The following CUX2 variants were observed in gnomAD, a reference collection of about 807,000 sequenced individuals.
CUX2 encodes homeobox protein cut-like 2.
Under a neutral mutation model 144.8 loss-of-function variants are expected in CUX2, and 40 were observed. That is an observed-to-expected ratio of 0.28 (90% CI 0.21 to 0.36). CUX2 has a LOEUF of 0.36. Among genes scored for constraint, CUX2 ranks in the 10% least tolerant of loss-of-function variants. CUX2 has a pLI of 1.00. For synonymous variants in CUX2, 827 were observed against 875.6 expected (o/e 0.94, Z 0.98); for missense variants, 1,615 against 1,994.0 (o/e 0.81, Z 3.62).
chr12:111,290,520 C>T (rs1017346359), intron 4 of CUX2, among the ~76,000 whole-genome samples: 6 of 151,176 alleles, frequency 4.0e-5, no homozygotes, highest in African/African-American at 1.5e-4. Flanking sequence ...CTCTGCCTCC[C>T]TGGTTCAAGT....
At position 111,191,941 on chromosome 12, in the gene CUX2, A is replaced by G. The variant is rs1879915948; in HGVS notation, c.64-22259A>G. Among the ~76,000 whole-genome samples the G allele has an allele frequency of 2.0e-5, 3 of 152,074 alleles. No homozygotes were observed. In the South Asian group the frequency reaches 6.2e-4, roughly 32 times the overall value. ...GGGGAGCAGGAGTCAGTCTCTCATG[A>G]TGCTTATAAGGGAGGATATTTATTG... is the stretch of plus-strand genomic sequence containing the variant. On this transcript the variant is annotated intron_variant, in intron 1 of 21. Transcript: ENST00000261726.
rs114424563 is a variant in CUX2 at position 111,159,552 on chromosome 12, C to A, written c.64-54648C>A. Among the ~76,000 whole-genome samples, 589 of 152,244 alleles carry A rather than the reference C, an allele frequency of 3.9e-3. 3 individuals carry two copies. Among genetic ancestry groups the A allele is most frequent in the African/African-American group, 0.013 (544 of 41,536 alleles). On this transcript the variant is annotated intron_variant, in intron 1 of 21. Transcript: ENST00000261726. Reference sequence around the variant, plus strand: ...TAAAAATATTAATTTTTTAAGGATGCATTATTTCATAAGCAACTGATCTGT... The same window carrying A: ...TAAAAATATTAATTTTTTAAGGATGAATTATTTCATAAGCAACTGATCTGT...
chr12:111,042,673 C>T (rs1224027498), intron 1 of CUX2, among the ~76,000 whole-genome samples: 1 of 152,060 alleles, frequency 6.6e-6, no homozygotes, highest in African/African-American at 2.4e-5. Flanking sequence ...AGTCTGTCAC[C>T]CAGGCTGGAG....
chr12:111,133,374 A>G (rs1425534916), intron 1 of CUX2, among the ~76,000 whole-genome samples: 1 of 152,208 alleles, frequency 6.6e-6, no homozygotes, highest in East Asian at 1.9e-4. Flanking sequence ...TTGGACTTAC[A>G]GTTCCATATG....
At chr12:111,114,985 G>C (rs1431409733) in intron 1 of CUX2, among the ~76,000 whole-genome samples, 2 of 152,112 alleles carry the variant, frequency 1.3e-5, no homozygotes, top group African/African-American at 4.8e-5. Flanking sequence ...TCTAGGTGTG[G>C]ATCTATTTCT....
intron 1 of CUX2, among the ~76,000 whole-genome samples, chr12:111,062,208 A>C (rs1870811164): frequency 6.6e-6 from 1 of 152,206 alleles, no homozygotes; most frequent in Non-Finnish European, 1.5e-5. Context: ...CCTGTGTGGC[A>C]TGCACGTTTC....
At chr12:111,166,712 C>A (rs2136159448) in intron 1 of CUX2, among the ~76,000 whole-genome samples, 1 of 152,306 alleles carries the variant, frequency 6.6e-6, no homozygotes, top group African/African-American at 2.4e-5. Context: ...GTGGAAGGGG[C>A]CGGTGTTTGG....
chr12:111,226,089 G>A (rs749844341), intron 3 of CUX2, among the ~76,000 whole-genome samples: 10 of 152,156 alleles, frequency 6.6e-5, no homozygotes, highest in East Asian at 1.9e-4. Context: ...GACTACAGGC[G>A]TGCGCCACCA....
rs927347369 is a variant in CUX2 at position 111,066,951 on chromosome 12, C to A, written c.63+32711C>A. On this transcript the variant is annotated intron_variant, in intron 1 of 21. Coordinates refer to ENST00000261726, the MANE Select transcript of CUX2 (RefSeq NM_015267.4). Reference sequence around the variant, plus strand: ...GCCAAGCACCTGGTACATGGTGAGTCCTCCAGGGAGCACCTCCAATGAATG... The same window carrying A: ...GCCAAGCACCTGGTACATGGTGAGTACTCCAGGGAGCACCTCCAATGAATG... Among the ~76,000 whole-genome samples, 6 of 152,294 alleles carry A rather than the reference C, an allele frequency of 3.9e-5. No individual in the cohort carries two copies. The South Asian group carries it at 1.2e-3, about 32-fold the overall frequency.
At chr12:111,182,271 C>A (rs1438060865) in intron 1 of CUX2, among the ~76,000 whole-genome samples, 1 of 152,192 alleles carries the variant, frequency 6.6e-6, no homozygotes, top group Non-Finnish European at 1.5e-5. Flanking sequence ...AAGGTTGGCA[C>A]CACTTGAAAT....
intron 3 of CUX2, among the ~76,000 whole-genome samples, chr12:111,236,873 G>T (rs1421930755): frequency 2.0e-5 from 3 of 152,212 alleles, no homozygotes; most frequent in Non-Finnish European, 4.4e-5. Flanking sequence ...AAAGCGGCTG[G>T]GTGCAGTGGC....
chr12:111,236,591 A>G (rs1277493223), intron 3 of CUX2, among the ~76,000 whole-genome samples: 1 of 152,202 alleles, frequency 6.6e-6, no homozygotes, highest in Admixed American at 6.5e-5. Flanking sequence ...GGGGTGAGAC[A>G]GGGAGAGAGA....
chr12:111,253,851 TC>T (rs1166651538), intron 3 of CUX2, among the ~76,000 whole-genome samples: 4 of 151,466 alleles, frequency 2.6e-5, no homozygotes, highest in Non-Finnish European at 4.4e-5. Context: ...GGAGTCTCAC[TC>T]TGTTTCCTCA....
rs1313052081 is a variant in CUX2, at chr12:111,310,254, T to C, written c.1472T>C (p.Met491Thr). The C allele has an allele frequency of 6.6e-7, 1 of 1,508,936 alleles. No homozygotes were observed. Among genetic ancestry groups the C allele is most frequent in the Non-Finnish European group, 8.9e-7 (1 of 1,128,322 alleles). 93.5% of individuals were successfully genotyped at this position (1,508,936 alleles called of 1,614,324 possible). A position where few individuals can be genotyped will look rare whatever the true frequency, so the allele number is the denominator to read the frequency against. ...FPSLASGERL[M>T]MPPAAFKGEA... Reference sequence around the variant, plus strand: ...AGCCTGGCATCAGGGGAGAGACTGATGATGCCCCCAGCCGCCTTCAAGGGA... The same window carrying C: ...AGCCTGGCATCAGGGGAGAGACTGACGATGCCCCCAGCCGCCTTCAAGGGA... Residue 491 changes from methionine (M) to threonine (T), a missense_variant, in exon 15 of 22, where the codon ATG becomes ACG. Transcript: ENST00000261726. This position sits in a 1 kb window ranked among gnomAD's most constrained non-coding sequence, Gnocchi z 7.9.
chr12:111,075,175 G>C (rs1015062515), intron 1 of CUX2, among the ~76,000 whole-genome samples: 2 of 150,840 alleles, frequency 1.3e-5, no homozygotes, highest in African/African-American at 2.4e-5. Context: ...TCTGATTTCT[G>C]TTCCATCCCA....
At chr12:111,210,935 A>T (rs1195116497) in intron 1 of CUX2, among the ~76,000 whole-genome samples, 1 of 152,230 alleles carries the variant, frequency 6.6e-6, no homozygotes, top group Non-Finnish European at 1.5e-5. Context: ...ATTAAAAAAT[A>T]TGCCTTTATA....
intron 21 of CUX2, 22 bp from the exon 22 acceptor site, chr12:111,347,502 C>G: frequency 1.3e-6 from 2 of 1,562,172 alleles, no homozygotes; most frequent in Non-Finnish European, 1.7e-6. Flanking sequence ...CAGCCCCAGG[C>G]TCACCGCCGT....
At chr12:111,261,800 G>C (rs894442568) in intron 3 of CUX2, among the ~76,000 whole-genome samples, 5 of 152,152 alleles carry the variant, frequency 3.3e-5, no homozygotes, top group African/African-American at 1.2e-4. Context: ...CTACTTGGTA[G>C]GCTGAGGCTG....
rs746242817 is a variant in CUX2 at position 111,190,898 on chromosome 12, C to T, written c.64-23302C>T. Among the ~76,000 whole-genome samples, 6 of 152,208 alleles carry T rather than the reference C, an allele frequency of 3.9e-5. No homozygotes were observed. The highest frequency in any genetic ancestry group is 6.5e-5 in the Admixed American group (1 of 15,282). ...ACCCTCCTCACACTCACCTCCTGTT[C>T]GATGCTGGTCTCCAGCCACCTTCAC... On this transcript the variant is annotated intron_variant, in intron 1 of 21. Transcript: ENST00000261726. The surrounding 1 kb of genome is among the most constrained non-coding windows in gnomAD (Gnocchi z 4.0).
Sources: allele counts gnomAD v4.1 joint callset (sites outside exome capture counted in the v4.1 genomes callset), GRCh38; gene constraint gnomAD v4.1.1; non-coding constraint Gnocchi (gnomAD v3.1); transcripts MANE v1.5; gene names NCBI Gene and HGNC (gene_info 2026-07-23, HGNC 2026-07-21).